Variants in TRIM13 observed in about 807,000 individuals in gnomAD.
The protein encoded by TRIM13 is tripartite motif containing 13, also known as E3 ubiquitin-protein ligase TRIM13.
In TRIM13, 15 loss-of-function variants were observed where a neutral mutation model predicts 27.1. The observed-to-expected ratio is 0.55, with a 90% CI of 0.37 to 0.85. The LOEUF is 0.85. TRIM13 is among the 40% of genes least tolerant of loss of function. TRIM13 has a pLI of 0.00. For synonymous variants in TRIM13, 193 were observed against 171.5 expected, an observed-to-expected ratio of 1.13 and a Z score of -0.98; for missense variants, 402 against 472.2, an observed-to-expected ratio of 0.85 and a Z score of 1.38.
intron 1 of TRIM13, among the ~76,000 whole-genome samples, chr13:50,011,431 T>C (rs1875628366): frequency 6.6e-6 from 1 of 152,220 alleles, no homozygotes; most frequent in Admixed American, 6.5e-5. Context: ...AATTGTAATC[T>C]TGCCTTTGAA....
In TRIM13 at chr13:50,012,344, A is replaced by G. The variant is rs962621280; in HGVS notation, c.404A>G (p.Tyr135Cys). The change falls in exon 2 of 2, where the codon TAT becomes TGT. Residue 135 changes from tyrosine to cysteine, a missense_variant. Around this residue, in one of 2 missense-constraint regions of TRIM13, gnomAD observed 202 missense variants for 277.5 expected, o/e 0.73. Coordinates refer to ENST00000378182, the MANE Select transcript of TRIM13 (RefSeq NM_213590.3). ...KHVFCSIEDA[Y>C]AQERDAFESL... The stretch of plus-strand genomic sequence containing the variant: ...GTCTTCTGTTCTATTGAAGATGCCT[A>G]TGCTCAGGAAAGGGATGCCTTTGAG... The G allele has an allele frequency of 2.5e-5, 40 of 1,614,156 alleles. No homozygotes were observed. The highest frequency in any genetic ancestry group is 2.8e-5 in the Non-Finnish European group (33 of 1,180,016).
In TRIM13 at chr13:50,015,124, T is replaced by A. The variant is rs1469956513; in HGVS notation, c.*1960T>A. The A allele has an allele frequency of 1.1e-5, 1 of 90,138 alleles. No homozygotes were observed. Among genetic ancestry groups the A allele is most frequent in the African/African-American group, 4.9e-5 (1 of 20,234 alleles). The allele number at this position is 90,138 out of a possible 1,614,324, so 5.6% of individuals were successfully genotyped here. A position where few individuals can be genotyped will look rare whatever the true frequency, so the allele number is the denominator to read the frequency against. ...ATATATATATATATATATATATATA[T>A]ATATATATATATATATATATATATA... On this transcript the variant is annotated 3_prime_UTR_variant, in exon 2 of 2. Transcript: ENST00000378182.
At position 50,014,824 on chromosome 13, in the gene TRIM13, G is replaced by A. The variant is rs1328076839; in HGVS notation, c.*1660G>A. 1.2e-5 allele frequency: 2 copies of A among 166,504 alleles called. No homozygotes were observed. Among genetic ancestry groups the A allele is most frequent in the Non-Finnish European group, 2.9e-5 (2 of 68,044 alleles). 10.3% of individuals were successfully genotyped at this position (166,504 alleles called of 1,614,324 possible). The stretch of plus-strand genomic sequence containing the variant: ...ACCTCAGTCCTCCTCTAATTTGGTT[G>A]AGAGGAGGTAATGAAAATGGGGACA... On this transcript the variant is annotated 3_prime_UTR_variant, in exon 2 of 2. Coordinates refer to ENST00000378182, the MANE Select transcript of TRIM13 (RefSeq NM_213590.3).
intron 1 of TRIM13, among the ~76,000 whole-genome samples, chr13:50,006,907 G>C (rs1594570937): frequency 6.6e-6 from 1 of 152,098 alleles, no homozygotes; most frequent in Non-Finnish European, 1.5e-5. Flanking sequence ...CTGGCTGGGC[G>C]TGGTGGCTCA....
rs924729089 is a variant in TRIM13 at position 50,005,655 on chromosome 13, A to G, written c.-6-6280A>G. Among the ~76,000 whole-genome samples, 41 of 151,838 alleles carry G rather than the reference A, an allele frequency of 2.7e-4. 1 individual carries two copies. The highest frequency in any genetic ancestry group is 8.9e-4 in the African/African-American group (37 of 41,344). On this transcript the variant is annotated intron_variant, in intron 1 of 1. Coordinates refer to ENST00000378182, the MANE Select transcript of TRIM13 (RefSeq NM_213590.3). ...ACACCACTGCACTCCAGCATGGGCA[A>G]CAGTGCAAGACTCCATCTCTAAAAA...
Position 50,012,288 on chromosome 13 carries a change from C to T in TRIM13, c.348C>T (p.Ile116=). The T allele has an allele frequency of 6.2e-7, 1 of 1,614,128 alleles. No individual in the cohort carries two copies. Among genetic ancestry groups the T allele is most frequent in the Non-Finnish European group, 8.5e-7 (1 of 1,180,000 alleles). The part of the protein sequence containing the change: ...CLTDMQLICG[I]CATRGEHTKH... ...CTGATATGCAGCTGATTTGTGGGATCTGTGCTACTCGTGGGGAGCACACCA... is the reference window on the plus strand; with the variant it reads ...CTGATATGCAGCTGATTTGTGGGATTTGTGCTACTCGTGGGGAGCACACCA... Residue 116 remains isoleucine (I), a synonymous_variant, in exon 2 of 2, where the codon ATC becomes ATT. Transcript: ENST00000378182.
chr13:49,998,760 C>T (rs539847015), intron 1 of TRIM13, among the ~76,000 whole-genome samples: 1 of 151,742 alleles, frequency 6.6e-6, no homozygotes, highest in Non-Finnish European at 1.5e-5. Flanking sequence ...GAAATCCCAT[C>T]TTTACTAACA....
intron 1 of TRIM13, among the ~76,000 whole-genome samples, chr13:50,000,723 G>A (rs1873920116): frequency 6.9e-6 from 1 of 145,980 alleles, no homozygotes; most frequent in Admixed American, 6.9e-5. Flanking sequence ...ATGTGATTAT[G>A]GGTGGCTTTT....
intron 1 of TRIM13, among the ~76,000 whole-genome samples, chr13:50,008,157 G>A (rs944230942): frequency 2.6e-5 from 4 of 151,948 alleles, no homozygotes; most frequent in South Asian, 2.1e-4. Context: ...CGCCTGCCTC[G>A]GCCTCCCAAA....
At position 50,016,264 on chromosome 13, in the gene TRIM13, G is replaced by A. The variant is rs972518835; in HGVS notation, c.*3100G>A. On this transcript the variant is annotated 3_prime_UTR_variant, in exon 2 of 2. Coordinates refer to ENST00000378182, the MANE Select transcript of TRIM13 (RefSeq NM_213590.3). ...TGGGATACTTTTTAGAGTGAAAGGG[G>A]CTATTATTAGGTGGGACAAAAGGAA... 2 of 548,908 alleles carry A rather than the reference G, an allele frequency of 3.6e-6. No homozygotes were observed. Among genetic ancestry groups the A allele is most frequent in the African/African-American group, 3.8e-5 (2 of 52,546 alleles). 34.0% of individuals were successfully genotyped at this position (548,908 alleles called of 1,614,324 possible). A position where few individuals can be genotyped will look rare whatever the true frequency, so the allele number is the denominator to read the frequency against.
Position 50,009,041 on chromosome 13 carries a change from AAAG to A in TRIM13, c.-6-2892_-6-2890del, listed in dbSNP as rs1302500861. On this transcript the variant is annotated intron_variant, in intron 1 of 1. Transcript: ENST00000378182. The stretch of plus-strand genomic sequence containing the variant: ...GTCTCAAAAAAAAAAAAAAAAAAAA[AAAG>A]AGAATCCCAAGAACTTTATGTTTGT... 8.6e-5 allele frequency among the ~76,000 whole-genome samples: 13 copies of A among 151,458 alleles called. No individual in the cohort carries two copies. In the South Asian group the frequency reaches 1.0e-3, roughly 12 times the overall value.
At position 50,018,219 on chromosome 13, in the gene TRIM13, G is replaced by C. The variant is rs1480952130; in HGVS notation, c.*5055G>C. 6.0e-6 allele frequency: 1 copy of C among 166,826 alleles called. No homozygotes were observed. The highest frequency in any genetic ancestry group is 1.5e-5 in the Non-Finnish European group (1 of 68,090). The allele number at this position is 166,826 out of a possible 1,614,324, so 10.3% of individuals were successfully genotyped here. ...CTTGAAATATTTTATTTTTCAGTTT[G>C]TCCTCATAGGGAATCAAGTATTTTA... On this transcript the variant is annotated 3_prime_UTR_variant, in exon 2 of 2. Coordinates refer to ENST00000378182, the MANE Select transcript of TRIM13 (RefSeq NM_213590.3).
chr13:50,007,456 A>G (rs1056668196), intron 1 of TRIM13, among the ~76,000 whole-genome samples: 1 of 138,380 alleles, frequency 7.2e-6, no homozygotes, highest in Non-Finnish European at 1.5e-5. Flanking sequence ...GCACCACTGC[A>G]CCCCAGCCTG....
In TRIM13 at chr13:50,012,315, A is replaced by C; in HGVS notation, c.375A>C (p.Lys125Asn). Reference sequence around the variant, plus strand: ...GTGCTACTCGTGGGGAGCACACCAAACATGTCTTCTGTTCTATTGAAGATG... The same window carrying C: ...GTGCTACTCGTGGGGAGCACACCAACCATGTCTTCTGTTCTATTGAAGATG... ...GICATRGEHT[K>N]HVFCSIEDAY... is the part of the protein sequence containing the mutation. Residue 125 changes from lysine (K) to asparagine (N), a missense_variant, in exon 2 of 2, where the codon AAA becomes AAC. Physicochemically the swap from Lys to Asn is moderately conservative, Grantham distance 94. Coordinates refer to ENST00000378182, the MANE Select transcript of TRIM13 (RefSeq NM_213590.3). 1 of 1,614,110 alleles carries C rather than the reference A, an allele frequency of 6.2e-7. No homozygotes were observed. Among genetic ancestry groups the C allele is most frequent in the Admixed American group, 1.7e-5 (1 of 60,022 alleles).
At position 50,012,816 on chromosome 13, in the gene TRIM13, C is replaced by A; in HGVS notation, c.876C>A (p.Val292=). ...GTCAGTGGGAAGACATAAAACTAGTCGATGTGGATAAACTTTCTTTGCCTC... is the reference window on the plus strand; with the variant it reads ...GTCAGTGGGAAGACATAAAACTAGTAGATGTGGATAAACTTTCTTTGCCTC... ...DTSQWEDIKL[V]DVDKLSLPQD... The change falls in exon 2 of 2, where the codon GTC becomes GTA. Residue 292 remains valine, a synonymous_variant. Coordinates refer to ENST00000378182, the MANE Select transcript of TRIM13 (RefSeq NM_213590.3). 1.2e-6 allele frequency: 2 copies of A among 1,614,072 alleles called. No homozygotes were observed. The highest frequency in any genetic ancestry group is 2.7e-5 in the African/African-American group (2 of 75,028).
intron 1 of TRIM13, among the ~76,000 whole-genome samples, chr13:50,009,736 CA>C (rs35561642): frequency 0.2 from 20,365 of 101,092 alleles, 1,775 homozygotes; most frequent in African/African-American, 0.3. Flanking sequence ...GACTCCGTCT[CA>C]AAAAAAAAAA....
intron 1 of TRIM13, among the ~76,000 whole-genome samples, chr13:50,011,072 A>G (rs535406435): frequency 5.9e-5 from 9 of 152,294 alleles, no homozygotes; most frequent in Non-Finnish European, 1.2e-4. Context: ...TTGGGTGGTG[A>G]TGAAGAATAC....
At position 50,013,161 on chromosome 13, in the gene TRIM13, A is replaced by C; in HGVS notation, c.1221A>C (p.Leu407Phe). The C allele has an allele frequency of 3.2e-6, 5 of 1,551,376 alleles. No individual in the cohort carries two copies. The highest frequency in any genetic ancestry group is 3.5e-4 in the Middle Eastern group (2 of 5,750). Reference sequence around the variant, plus strand: ...AATTTGTGTGCAAATATAAACTATTATAAAATCTGTTTCAAGTATGCAGTT... The same window carrying C: ...AATTTGTGTGCAAATATAAACTATTCTAAAATCTGTTTCAAGTATGCAGTT... ...VAEFVCKYKL[L>F] Residue 407 changes from leucine to phenylalanine, a missense_variant, in exon 2 of 2, where the codon TTA becomes TTC. Transcript: ENST00000378182.
In TRIM13 at chr13:50,013,857, C is replaced by A. The variant is rs889890515; in HGVS notation, c.*693C>A. 1.2e-5 allele frequency: 2 copies of A among 166,632 alleles called. No individual in the cohort carries two copies. The highest frequency in any genetic ancestry group is 2.9e-5 in the Non-Finnish European group (2 of 68,032). The allele number at this position is 166,632 out of a possible 1,614,324, so 10.3% of individuals were successfully genotyped here. A position where few individuals can be genotyped will look rare whatever the true frequency, so the allele number is the denominator to read the frequency against. ...CCAGCCAAAGACTGCTCTTAAAGCA[C>A]CTTTTTGACAGTGAACATGGTCTAA... On this transcript the variant is annotated 3_prime_UTR_variant, in exon 2 of 2. Coordinates refer to ENST00000378182, the MANE Select transcript of TRIM13 (RefSeq NM_213590.3).
Sources: allele counts gnomAD v4.1 joint callset (sites outside exome capture counted in the v4.1 genomes callset), GRCh38; gene constraint gnomAD v4.1.1; regional missense constraint gnomAD v4.1.1; transcripts MANE v1.5; gene names NCBI Gene and HGNC (gene_info 2026-07-23, HGNC 2026-07-21).